RPRD2: variants seen among roughly 807,000 people sequenced by gnomAD.
RPRD2 encodes regulation of nuclear pre-mRNA domain containing 2.
RPRD2 carries 12 observed loss-of-function variants against 104.4 expected under a neutral mutation model. The observed-to-expected ratio is 0.11, with a 90% CI of 0.07 to 0.19. RPRD2 has a LOEUF of 0.19. Among genes scored for constraint, RPRD2 ranks in the 10% least tolerant of loss-of-function variants. The probability of loss-of-function intolerance (pLI) is 1.00; values close to 1 mark genes in which losing one functional copy is unlikely to be tolerated. For missense variants in RPRD2, 1,543 were observed against 1,790.1 expected (o/e 0.86, Z 2.49); for synonymous variants, 714 against 684.9 (o/e 1.04, Z -0.66).
At chr1:150,445,042 A>G (rs1666666743) in intron 6 of RPRD2, among the ~76,000 whole-genome samples, 1 of 152,030 alleles carries the variant, frequency 6.6e-6, no homozygotes, top group Non-Finnish European at 1.5e-5. Flanking sequence ...TAAAACATTA[A>G]TGAGCTTGGT....
intron 2 of RPRD2, among the ~76,000 whole-genome samples, chr1:150,420,850 TAATA>T (rs1439010407): frequency 7.2e-5 from 11 of 152,120 alleles, no homozygotes; most frequent in African/African-American, 2.6e-4. Context: ...AGGAATGAAT[TAATA>T]AATAAAATGC....
intron 2 of RPRD2, among the ~76,000 whole-genome samples, chr1:150,424,908 ATATATT>A (rs1665012940): frequency 6.6e-6 from 1 of 151,760 alleles, no homozygotes; most frequent in Admixed American, 6.6e-5. Context: ...GCTCTGTTTG[ATATATT>A]TATATTAATA....
At chr1:150,383,281 C>T (rs1553881140) in intron 1 of RPRD2, among the ~76,000 whole-genome samples, 1 of 151,112 alleles carries the variant, frequency 6.6e-6, no homozygotes, top group Non-Finnish European at 1.5e-5. Context: ...AGGTGTGAGC[C>T]ACGAGACCTG....
In RPRD2 at chr1:150,475,713, T is replaced by C. The variant is rs186867607; in HGVS notation, c.*2379T>C. 33 of 152,680 alleles carry C rather than the reference T, an allele frequency of 2.2e-4. No homozygotes were observed. The highest frequency in any genetic ancestry group is 1.4e-3 in the Admixed American group (22 of 15,280). 9.5% of individuals were successfully genotyped at this position (152,680 alleles called of 1,614,324 possible). A position where few individuals can be genotyped will look rare whatever the true frequency, so the allele number is the denominator to read the frequency against. The stretch of plus-strand genomic sequence containing the variant: ...TTACATCAGTAAATGAAGATGACAG[T>C]GTGTATATATGTGATAAATAGTGAA... On this transcript the variant is annotated 3_prime_UTR_variant, in exon 11 of 11. Coordinates refer to ENST00000369068, the MANE Select transcript of RPRD2 (RefSeq NM_015203.5).
At chr1:150,395,272 G>T (rs1165334240) in intron 1 of RPRD2, among the ~76,000 whole-genome samples, 1 of 152,004 alleles carries the variant, frequency 6.6e-6, no homozygotes, top group Non-Finnish European at 1.5e-5. Context: ...TTCCATTCCT[G>T]AATTACTTCA....
At chr1:150,433,863 A>ATAATATGTTATATATATTTTTTATATATT (rs1665813817) in intron 2 of RPRD2, among the ~76,000 whole-genome samples, 1 of 97,412 alleles carries the variant, frequency 1.0e-5, no homozygotes, top group Admixed American at 9.1e-5. Context: ...TTATATATAC[A>ATAATATGTTATATATATTTTTTATATATT]TAATGTTATA....
At chr1:150,451,899 G>C (rs1224465022) in intron 7 of RPRD2, among the ~76,000 whole-genome samples, 3 of 152,018 alleles carry the variant, frequency 2.0e-5, no homozygotes, top group Non-Finnish European at 2.9e-5. Flanking sequence ...CCAGCACTTT[G>C]GGAGGCTGAG....
At position 150,364,363 on chromosome 1, in the gene RPRD2, T is replaced by A. The variant is rs908278646; in HGVS notation, c.-352T>A. Among the ~76,000 whole-genome samples, 3 of 152,060 alleles carry A rather than the reference T, an allele frequency of 2.0e-5. No homozygotes were observed. The highest frequency in any genetic ancestry group is 1.3e-4 in the Admixed American group (2 of 15,268). On this transcript the variant is annotated 5_prime_UTR_variant, in exon 1 of 11. Coordinates refer to ENST00000369068, the MANE Select transcript of RPRD2 (RefSeq NM_015203.5). The stretch of plus-strand genomic sequence containing the variant: ...GGCCTTAGCACTGAGAGCCGAAAAG[T>A]ATAAAACGATTAGTTTCGGCGTCAG...
At position 150,474,708 on chromosome 1, in the gene RPRD2, T is replaced by C. The variant is rs1296454321; in HGVS notation, c.*1374T>C. The C allele has an allele frequency of 1.3e-5, 2 of 152,176 alleles. No homozygotes were observed. The highest frequency in any genetic ancestry group is 4.8e-5 in the African/African-American group (2 of 41,436). 9.4% of individuals were successfully genotyped at this position (152,176 alleles called of 1,614,324 possible). On this transcript the variant is annotated 3_prime_UTR_variant, in exon 11 of 11. Coordinates refer to ENST00000369068, the MANE Select transcript of RPRD2 (RefSeq NM_015203.5). ...GCTTTACTACAATTTTTTTTTAATTTAGTGTCTTACCCCAAGGCATACTCA... is the reference window on the plus strand; with the variant it reads ...GCTTTACTACAATTTTTTTTTAATTCAGTGTCTTACCCCAAGGCATACTCA...
In RPRD2 at chr1:150,474,071, CAA is replaced by C. The variant is rs1668770887; in HGVS notation, c.*738_*739del. 1.3e-5 allele frequency: 2 copies of C among 151,944 alleles called. No individual in the cohort carries two copies. The highest frequency in any genetic ancestry group is 4.1e-4 in the South Asian group (2 of 4,820). The allele number at this position is 151,944 out of a possible 1,614,324, so 9.4% of individuals were successfully genotyped here. ...TGTGACCTGCCTGTTTTTTTGTAAA[CAA>C]GAGAATAGGAAATGTTTTCAAGGTA... On this transcript the variant is annotated 3_prime_UTR_variant, in exon 11 of 11. Coordinates refer to ENST00000369068, the MANE Select transcript of RPRD2 (RefSeq NM_015203.5).
intron 1 of RPRD2, among the ~76,000 whole-genome samples, chr1:150,402,632 C>T (rs1197637718): frequency 1.3e-5 from 2 of 152,030 alleles, no homozygotes; most frequent in African/African-American, 4.8e-5. Context: ...AGTGTGATTG[C>T]ACCACTACAC....
intron 1 of RPRD2, among the ~76,000 whole-genome samples, chr1:150,415,370 G>A (rs1664257469): frequency 6.6e-6 from 1 of 151,528 alleles, no homozygotes; most frequent in Admixed American, 6.6e-5. Flanking sequence ...ATACAAATAA[G>A]AATCAAATTA....
intron 1 of RPRD2, among the ~76,000 whole-genome samples, chr1:150,379,726 G>A (rs1172045952): frequency 4.6e-5 from 7 of 152,282 alleles, no homozygotes; most frequent in Admixed American, 2.0e-4. Flanking sequence ...TAGTAGAGAT[G>A]GGATTTCACC....
At chr1:150,366,814 C>A (rs834243) in intron 1 of RPRD2, among the ~76,000 whole-genome samples, 83,811 of 151,982 alleles carry the variant, frequency 0.55, 23,876 homozygotes, top group Non-Finnish European at 0.62. Flanking sequence ...TTTTTACTGA[C>A]CTATGCAAGC....
intron 1 of RPRD2, among the ~76,000 whole-genome samples, chr1:150,389,033 T>C (rs1553882728): frequency 6.6e-6 from 1 of 152,050 alleles, no homozygotes; most frequent in African/African-American, 2.4e-5. Context: ...AGTTTTGTTT[T>C]GTTTTGTTTT....
At chr1:150,431,295 A>G (rs1572459821) in intron 2 of RPRD2, among the ~76,000 whole-genome samples, 2 of 152,232 alleles carry the variant, frequency 1.3e-5, no homozygotes, top group Non-Finnish European at 2.9e-5. Flanking sequence ...ACCTCTAGAT[A>G]TATACCCCAA....
rs770515696 is a variant in RPRD2 at position 150,472,890 on chromosome 1, G to A, written c.3942G>A (p.Glu1314=). The A allele has an allele frequency of 1.9e-6, 3 of 1,613,322 alleles. No individual in the cohort carries two copies. Among genetic ancestry groups the A allele is most frequent in the East Asian group, 2.2e-5 (1 of 44,866 alleles). Residue 1314 remains glutamate (E), a synonymous_variant, in exon 11 of 11, where the codon GAG becomes GAA. Transcript: ENST00000369068. ...VVPFPAPPLA[E]HGVAGAVAVF... ...CCTTCCCAGCCCCACCACTGGCAGA[G>A]CACGGAGTGGCAGGGGCTGTGGCAG...
At chr1:150,457,969 G>A (rs1667653025) in intron 8 of RPRD2, among the ~76,000 whole-genome samples, 2 of 152,134 alleles carry the variant, frequency 1.3e-5, no homozygotes. Flanking sequence ...TACCCGGGAG[G>A]CTGAGGCAAG....
At chr1:150,439,399 A>G (rs1001868120) in intron 2 of RPRD2, among the ~76,000 whole-genome samples, 2 of 103,238 alleles carry the variant, frequency 1.9e-5, no homozygotes, top group African/African-American at 6.7e-5. Flanking sequence ...GCTTGAGCCC[A>G]GGAGGCTGAG....
Sources: allele counts gnomAD v4.1 joint callset (sites outside exome capture counted in the v4.1 genomes callset), GRCh38; gene constraint gnomAD v4.1.1; transcripts MANE v1.5; gene names NCBI Gene and HGNC (gene_info 2026-07-23, HGNC 2026-07-21).